THOC7: variants seen among roughly 807,000 people sequenced by gnomAD.
THOC7 encodes NIF3L1-binding protein 1.
THOC7 carries 22 observed loss-of-function variants against 33.1 expected under a neutral mutation model. That is an observed-to-expected ratio of 0.66 (90% CI 0.47 to 0.95). The LOEUF is 0.95. Among genes scored for constraint, THOC7 ranks in the 40% least tolerant of loss-of-function variants. The probability of loss-of-function intolerance (pLI) is 0.00; values close to 1 mark genes in which losing one functional copy is unlikely to be tolerated. For synonymous variants in THOC7, 77 were observed against 76.8 expected (o/e 1.00, Z -0.01); for missense variants, 184 against 245.3 (o/e 0.75, Z 1.67).
intron 2 of THOC7, among the ~76,000 whole-genome samples, 152 bp downstream of exon 2, chr3:63,839,499 GAAGAA>G (rs1452518854): frequency 4.6e-5 from 7 of 152,096 alleles, no homozygotes; most frequent in Admixed American, 4.6e-4. Context: ...CCTTTGAAGA[GAAGAA>G]AAGGCCAAGA....
Position 63,838,036 on chromosome 3 carries a change from T to C in THOC7, c.292A>G (p.Lys98Glu). The change falls in exon 4 of 8, where the codon AAA becomes GAA. Residue 98 changes from lysine (K) to glutamate (E), a missense_variant. Around this residue, in one of 3 missense-constraint regions of THOC7, gnomAD observed 157 missense variants for 201.3 expected, o/e 0.78. Coordinates refer to ENST00000295899, the MANE Select transcript of THOC7 (RefSeq NM_025075.4). ...ATTTGCTTTTTGCACTCAGCAATTT[T>C]TTCATGTGCTCCAGCTATGCTACAT... is the stretch of plus-strand genomic sequence containing the variant. The part of the protein sequence containing the change: ...IECSIAGAHE[K>E]IAECKKQILQ... The C allele has an allele frequency of 6.2e-7, 1 of 1,609,732 alleles. No homozygotes were observed. Among genetic ancestry groups the C allele is most frequent in the Non-Finnish European group, 8.5e-7 (1 of 1,178,400 alleles).
chr3:63,853,947 T>C lies in THOC7; in HGVS notation c.19+9825A>G, dbSNP rs150004381. 7.5e-3 allele frequency among the ~76,000 whole-genome samples: 1,138 copies of C among 152,190 alleles called. 9 individuals are homozygous for C. Among genetic ancestry groups the C allele is most frequent in the Middle Eastern group, 0.017 (5 of 294 alleles). ...AAAATTTAATCCACAACTTGTATCA[T>C]CCTATAAAAGTCAGAGTAAATGTTG... On this transcript the variant is annotated intron_variant, in intron 1 of 7. Transcript: ENST00000295899.
At chr3:63,856,484 A>G (rs1468597693) in intron 1 of THOC7, among the ~76,000 whole-genome samples, 1 of 152,210 alleles carries the variant, frequency 6.6e-6, no homozygotes, top group Non-Finnish European at 1.5e-5. Context: ...CATTGTATGC[A>G]TGTATCAAAA....
At chr3:63,855,496 A>G (rs1702098173) in intron 1 of THOC7, among the ~76,000 whole-genome samples, 1 of 152,194 alleles carries the variant, frequency 6.6e-6, no homozygotes. Context: ...CAGTTACTAG[A>G]GCAACTCTAG....
At chr3:63,843,856 A>C (rs1055308949) in intron 1 of THOC7, among the ~76,000 whole-genome samples, 3 of 151,950 alleles carry the variant, frequency 2.0e-5, no homozygotes, top group Non-Finnish European at 4.4e-5. Flanking sequence ...AACCGAGATC[A>C]CGCCACTGCA....
At chr3:63,859,481 G>A (rs1702168089) in intron 1 of THOC7, among the ~76,000 whole-genome samples, 1 of 152,104 alleles carries the variant, frequency 6.6e-6, no homozygotes, top group Non-Finnish European at 1.5e-5. Context: ...TTTCACCTCG[G>A]GCCTTTGCAC....
intron 1 of THOC7, chr3:63,861,717 G>A (rs1702218090): frequency 6.6e-6 from 1 of 151,938 alleles, no homozygotes; most frequent in African/African-American, 2.4e-5. Context: ...AGTAAGTGGC[G>A]AGGAAACTTA....
intron 4 of THOC7, 36 bp downstream of exon 4, chr3:63,837,940 A>G (rs1412603133): frequency 1.3e-6 from 2 of 1,565,662 alleles, no homozygotes; most frequent in African/African-American, 2.7e-5. Flanking sequence ...AGTCAGTAAT[A>G]ATGTATTTGC....
At position 63,863,797 on chromosome 3, in the gene THOC7, C is replaced by CGCGGCG. The variant is rs546741642; in HGVS notation, c.-13_-8dup. ...CGTCAGTCACGGCTCCCATGGCGTG[C>CGCGGCG]GCGGCGGCGGCGGCGGCGGCGGCGG... On this transcript the variant is annotated 5_prime_UTR_variant, in exon 1 of 8. Coordinates refer to ENST00000295899, the MANE Select transcript of THOC7 (RefSeq NM_025075.4). The CGCGGCG allele has an allele frequency of 0.04, 49,352 of 1,245,050 alleles. 821 individuals are homozygous for CGCGGCG. Among genetic ancestry groups the CGCGGCG allele is most frequent in the Admixed American group, 0.061 (1,422 of 23,252 alleles). The allele number at this position is 1,245,050 out of a possible 1,614,324, so 77.1% of individuals were successfully genotyped here.
At chr3:63,844,370 CA>C (rs1289719191) in intron 1 of THOC7, among the ~76,000 whole-genome samples, 2 of 152,168 alleles carry the variant, frequency 1.3e-5, no homozygotes, top group African/African-American at 4.8e-5. Flanking sequence ...GCTCTCACCA[CA>C]AAAATGATAA....
chr3:63,848,031 A>C (rs1701937527), intron 1 of THOC7, among the ~76,000 whole-genome samples: 1 of 152,174 alleles, frequency 6.6e-6, no homozygotes, highest in Admixed American at 6.5e-5. Context: ...AGACTGACCA[A>C]ACAGACTCTT....
chr3:63,855,822 T>C (rs1410312421), intron 1 of THOC7, among the ~76,000 whole-genome samples: 3 of 152,202 alleles, frequency 2.0e-5, no homozygotes. Context: ...CAGTGAGGAT[T>C]AGCATTTCCT....
At chr3:63,855,090 A>C (rs994896910) in intron 1 of THOC7, among the ~76,000 whole-genome samples, 1 of 152,196 alleles carries the variant, frequency 6.6e-6, no homozygotes, top group African/African-American at 2.4e-5. Flanking sequence ...CATTGTCTAG[A>C]GTATACTGTC....
At position 63,837,052 on chromosome 3, in the gene THOC7, A is replaced by C. The variant is rs188153232; in HGVS notation, c.353-694T>G. Among the ~76,000 whole-genome samples, 34 of 152,168 alleles carry C rather than the reference A, an allele frequency of 2.2e-4. 1 individual carries two copies. In the East Asian group the frequency reaches 6.4e-3, roughly 28 times the overall value. On this transcript the variant is annotated intron_variant, in intron 4 of 7. Coordinates refer to ENST00000295899, the MANE Select transcript of THOC7 (RefSeq NM_025075.4). ...CACCATACACATTTTAAACTGAAAAAAAAAACTTGTAAAAAGAGGAAATTA... is the reference window on the plus strand; with the variant it reads ...CACCATACACATTTTAAACTGAAAACAAAAACTTGTAAAAAGAGGAAATTA...
intron 1 of THOC7, among the ~76,000 whole-genome samples, chr3:63,862,313 G>A (rs577398797): frequency 2.0e-5 from 3 of 152,260 alleles, no homozygotes; most frequent in South Asian, 2.1e-4. Context: ...GATTAACTTC[G>A]AGGAGGCTTT....
At chr3:63,852,035 T>C (rs1008471249) in intron 1 of THOC7, among the ~76,000 whole-genome samples, 2 of 152,164 alleles carry the variant, frequency 1.3e-5, no homozygotes, top group African/African-American at 2.4e-5. Context: ...CCCTGCATTC[T>C]GGCACAGTGC....
At chr3:63,850,585 CTTT>C (rs61611564) in intron 1 of THOC7, among the ~76,000 whole-genome samples, 1 of 116,816 alleles carries the variant, frequency 8.6e-6, no homozygotes. Context: ...TCTTTCTTTC[CTTT>C]TTTTTTTTTT....
At chr3:63,836,216 T>G in intron 5 of THOC7, 85 bp downstream of exon 5, 1 of 1,288,726 alleles carries the variant, frequency 7.8e-7, no homozygotes, top group Non-Finnish European at 1.1e-6. Context: ...ACATATTTAT[T>G]TCTGCAAAAA....
At chr3:63,836,419 A>G in intron 4 of THOC7, 61 bp from the exon 5 acceptor site, 1 of 1,505,542 alleles carries the variant, frequency 6.6e-7, no homozygotes, top group Non-Finnish European at 9.2e-7. Flanking sequence ...TATCAAAACA[A>G]AATGTGTAAT....
Sources: gnomAD v4.1 joint callset for allele counts (sites outside exome capture counted in the v4.1 genomes callset) on GRCh38, gnomAD v4.1.1 for gene constraint, gnomAD v4.1.1 regional missense constraint, MANE v1.5 for transcripts, NCBI Gene and HGNC (gene_info 2026-07-23, HGNC 2026-07-21) for gene names.